The following SPATA20 variants were observed in gnomAD, a reference collection of about 807,000 sequenced individuals.
SPATA20 encodes the protein spermatogenesis-associated protein 20.
In SPATA20, 74 loss-of-function variants were observed where a neutral mutation model predicts 98.9. That is an observed-to-expected ratio of 0.75 (90% confidence interval 0.62 to 0.91). SPATA20 has a LOEUF of 0.91. Ranked by LOEUF, SPATA20 falls within the 40% of genes least tolerant of loss-of-function variation. SPATA20 has a pLI of 0.00. For synonymous variants in SPATA20, 430 were observed against 440.5 expected, an observed-to-expected ratio of 0.98 and a Z score of 0.30; for missense variants, 1,016 against 1,069.8, an observed-to-expected ratio of 0.95 and a Z score of 0.70.
intron 2 of SPATA20, 108 bp from the exon 3 acceptor site, chr17:50,548,175 G>A (rs772232948): frequency 6.7e-7 from 1 of 1,500,170 alleles, no homozygotes; most frequent in Non-Finnish European, 8.9e-7. Context: ...GGTTGGGCTG[G>A]GAGCAGGGGT....
chr17:50,548,992 C>G (rs749063147), intron 5 of SPATA20, 28 bp downstream of exon 5: 7 of 1,614,030 alleles, frequency 4.3e-6, no homozygotes, highest in Non-Finnish European at 5.9e-6. Context: ...GGAGTGTATG[C>G]GCCACATGGG....
chr17:50,551,290 G>T, intron 12 of SPATA20, 100 bp downstream of exon 12: 1 of 1,259,472 alleles, frequency 7.9e-7, no homozygotes, highest in Non-Finnish European at 1.1e-6. Context: ...CCCTTGATTA[G>T]CGTTATTATT....
At position 50,550,824 on chromosome 17, in the gene SPATA20, GC is replaced by G. The variant is rs1300760706; in HGVS notation, c.1292del (p.Pro431LeufsTer9). The G allele has an allele frequency of 6.2e-7, 1 of 1,612,882 alleles. No individual in the cohort carries two copies. The highest frequency in any genetic ancestry group is 1.7e-5 in the Admixed American group (1 of 60,018). On this transcript the variant is annotated frameshift_variant, in exon 11 of 17. Transcript: ENST00000006658. LOFTEE classifies it high-confidence loss of function. ...VKEVQQLLPE[P>X]VLGATEPLTS... The stretch of plus-strand genomic sequence containing the variant: ...AAGAGGTTCAGCAGCTCCTCCCGGA[GC>G]CTGTGTTGGGTGCCACCGAGCCGCT...
At chr17:50,548,649 T>A (rs898976722) in intron 4 of SPATA20, 31 bp downstream of exon 4, 2 of 1,608,460 alleles carry the variant, frequency 1.2e-6, no homozygotes. Flanking sequence ...GATGTGGGGG[T>A]GTGGGCAGGG....
intron 15 of SPATA20, 98 bp from the exon 16 acceptor site, chr17:50,555,134 T>C (rs987019941): frequency 7.4e-5 from 68 of 922,948 alleles, no homozygotes; most frequent in Non-Finnish European, 9.2e-5. Context: ...TTCTTAGAGA[T>C]ATACGGTGGG....
Position 50,548,269 on chromosome 17 carries a change from C to G in SPATA20, c.126-14C>G. 6.2e-7 allele frequency: 1 copy of G among 1,611,504 alleles called. No homozygotes were observed. Among genetic ancestry groups the G allele is most frequent in the Non-Finnish European group, 8.5e-7 (1 of 1,179,080 alleles). On this transcript the variant is annotated splice_polypyrimidine_tract_variant and intron_variant, in intron 2 of 16. Coordinates refer to ENST00000006658, the MANE Select transcript of SPATA20 (RefSeq NM_022827.4). The stretch of plus-strand genomic sequence containing the variant: ...GGAGGCCCCTGGCTTGCCTGATGCA[C>G]CAGTCCTCGCCAGGGGTAGCTCCTC...
chr17:50,550,185 C>T, intron 8 of SPATA20, 23 bp from the exon 9 acceptor site: 1 of 1,611,724 alleles, frequency 6.2e-7, no homozygotes, highest in South Asian at 1.1e-5. Flanking sequence ...CTGGGACTGG[C>T]CTCCAGCTTT....
At position 50,555,713 on chromosome 17, in the gene SPATA20, T is replaced by C. The variant is rs748118560; in HGVS notation, c.*51T>C. On this transcript the variant is annotated 3_prime_UTR_variant, in exon 17 of 17. Coordinates refer to ENST00000006658, the MANE Select transcript of SPATA20 (RefSeq NM_022827.4). Reference sequence around the variant, plus strand: ...CAGAAGGTGAAGCATCCCAACTGACTAGAGACTCAGGCCCTGCAGGGCCCT... The same window carrying C: ...CAGAAGGTGAAGCATCCCAACTGACCAGAGACTCAGGCCCTGCAGGGCCCT... 3 of 1,542,544 alleles carry C rather than the reference T, an allele frequency of 1.9e-6. No individual in the cohort carries two copies. The highest frequency in any genetic ancestry group is 2.3e-5 in the South Asian group (2 of 85,846).
At chr17:50,554,830 A>G (rs2035076947) in intron 15 of SPATA20, among the ~76,000 whole-genome samples, 1 of 148,704 alleles carries the variant, frequency 6.7e-6, no homozygotes, top group African/African-American at 2.5e-5. Flanking sequence ...GTCTGCCTGC[A>G]TGCGTGTGTG....
rs112183125 is a variant in SPATA20 at position 50,548,456 on chromosome 17, G to A, written c.296+3G>A. 7.4e-6 allele frequency: 12 copies of A among 1,613,714 alleles called. No individual in the cohort carries two copies. In the African/African-American group the frequency reaches 9.3e-5, roughly 13 times the overall value. On this transcript the variant is annotated splice_donor_region_variant and intron_variant, in intron 3 of 16. Coordinates refer to ENST00000006658, the MANE Select transcript of SPATA20 (RefSeq NM_022827.4). ...CATGCCTACAATCCTGTGGACTGGT[G>A]AGCACCTCTCCTGGGGCCCTGCCTG...
chr17:50,551,719 C>T (rs774979650), intron 13 of SPATA20, 40 bp downstream of exon 13: 20 of 1,563,734 alleles, frequency 1.3e-5, no homozygotes, highest in African/African-American at 2.7e-5. Context: ...GTCTCCCCAA[C>T]GCGTCCCCAG....
At chr17:50,549,960 C>T (rs898641793) in intron 7 of SPATA20, 25 bp from the exon 8 acceptor site, 6 of 1,527,200 alleles carry the variant, frequency 3.9e-6, no homozygotes, top group Middle Eastern at 1.8e-4. Flanking sequence ...ATTCTCTCAC[C>T]TGCATGTTCT....
At position 50,550,520 on chromosome 17, in the gene SPATA20, T is replaced by G. The variant is rs777043959; in HGVS notation, c.1099-16T>G. The stretch of plus-strand genomic sequence containing the variant: ...GTGACCTCTCTGTTCACAGTCTCCT[T>G]TCTTCCCTTTCTTAGCTCTCTGGTG... On this transcript the variant is annotated splice_polypyrimidine_tract_variant and intron_variant, in intron 9 of 16. Coordinates refer to ENST00000006658, the MANE Select transcript of SPATA20 (RefSeq NM_022827.4). The G allele has an allele frequency of 9.9e-6, 16 of 1,612,754 alleles. No individual in the cohort carries two copies. In the East Asian group the frequency reaches 3.3e-4, roughly 34 times the overall value.
chr17:50,552,015 C>G lies in SPATA20; in HGVS notation c.1792C>G (p.Arg598Gly), dbSNP rs138212270. ...CCTGGAGGACTACGCCTTCGTGGTG[C>G]GGGGCCTGCTGGACCTGTATGAGGC... ...GFLEDYAFVVRGLLDLYEASQ... is the reference protein window; with the variant it reads ...GFLEDYAFVVGGLLDLYEASQ... Residue 598 changes from arginine to glycine, a missense_variant, in exon 14 of 17, where the codon CGG becomes GGG. Coordinates refer to ENST00000006658, the MANE Select transcript of SPATA20 (RefSeq NM_022827.4). The G allele has an allele frequency of 6.2e-7, 1 of 1,612,734 alleles. No homozygotes were observed. Among genetic ancestry groups the G allele is most frequent in the Non-Finnish European group, 8.5e-7 (1 of 1,179,500 alleles).
In SPATA20 at chr17:50,555,284, G is replaced by A. The variant is rs758689059; in HGVS notation, c.2210G>A (p.Cys737Tyr). The change falls in exon 16 of 17, where the codon TGC becomes TAC. Residue 737 changes from cysteine (C) to tyrosine (Y), a missense_variant. Coordinates refer to ENST00000006658, the MANE Select transcript of SPATA20 (RefSeq NM_022827.4). ...AAGGACACCAAGGCCCTGGTGCAGT[G>A]CGTCCACTCTGTCTACATTCCTAAC... ...QAKDTKALVQCVHSVYIPNKV... is the reference protein window; with the variant it reads ...QAKDTKALVQYVHSVYIPNKV... 1 of 1,614,048 alleles carries A rather than the reference G, an allele frequency of 6.2e-7. No individual in the cohort carries two copies. The highest frequency in any genetic ancestry group is 1.1e-5 in the South Asian group (1 of 91,082).
chr17:50,548,830 T>C lies in SPATA20; in HGVS notation c.382T>C (p.Trp128Arg). ...FLSVGYSTCH[W>R]CHMMEEESFQ... ...TTCAGTCGGGTACTCCACCTGCCAC[T>C]GGTGCCACATGATGGAAGAGGAGTC... The change falls in exon 5 of 17, where the codon TGG becomes CGG. Residue 128 changes from tryptophan to arginine, a missense_variant. Coordinates refer to ENST00000006658, the MANE Select transcript of SPATA20 (RefSeq NM_022827.4). The C allele has an allele frequency of 3.1e-6, 5 of 1,613,850 alleles. No individual in the cohort carries two copies. Among genetic ancestry groups the C allele is most frequent in the Non-Finnish European group, 3.4e-6 (4 of 1,179,842 alleles).
chr17:50,550,750 G>A lies in SPATA20; in HGVS notation c.1216G>A (p.Glu406Lys), dbSNP rs2034998402. The A allele has an allele frequency of 6.2e-7, 1 of 1,613,170 alleles. No homozygotes were observed. Among genetic ancestry groups the A allele is most frequent in the Non-Finnish European group, 8.5e-7 (1 of 1,179,948 alleles). The stretch of plus-strand genomic sequence containing the variant: ...CGCAGAAGATGCAGACTCGCCCCCA[G>A]AGCGGGGCCAGCGGCCCAAAGAGGG... ...YSAEDADSPP[E>K]RGQRPKEGAY... Residue 406 changes from glutamate to lysine, a missense_variant, in exon 11 of 17, where the codon GAG becomes AAG. Coordinates refer to ENST00000006658, the MANE Select transcript of SPATA20 (RefSeq NM_022827.4).
intron 9 of SPATA20, 74 bp downstream of exon 9, chr17:50,550,386 T>C: frequency 7.3e-7 from 1 of 1,374,696 alleles, no homozygotes; most frequent in Non-Finnish European, 1.0e-6. Context: ...CTGGTGACTG[T>C]GGCTTCTCTT....
At chr17:50,554,515 A>G in intron 15 of SPATA20, 65 bp downstream of exon 15, 2 of 1,527,344 alleles carry the variant, frequency 1.3e-6, no homozygotes, top group South Asian at 2.2e-5. Context: ...GCGATGGCAG[A>G]TGGGAACAGG....
Sources: allele counts gnomAD v4.1 joint callset (sites outside exome capture counted in the v4.1 genomes callset), GRCh38; gene constraint gnomAD v4.1.1; transcripts MANE v1.5; gene names NCBI Gene and HGNC (gene_info 2026-07-23, HGNC 2026-07-21).